The following STPG2 variants were observed in gnomAD, a reference collection of about 807,000 sequenced individuals.
STPG2 encodes sperm-tail PG-rich repeat-containing protein 2.
Under a neutral mutation model 54.2 loss-of-function variants are expected in STPG2, and 56 were observed. That is an observed-to-expected ratio of 1.03 (90% CI 0.83 to 1.29). The LOEUF (loss-of-function observed/expected upper bound fraction) is 1.29, where lower values mean the gene tolerates loss of function less well. STPG2 is among the 50% of genes most tolerant of loss of function. STPG2 has a pLI of 0.00. For missense variants in STPG2, 596 were observed against 544.9 expected (o/e 1.09, Z -0.93); for synonymous variants, 200 against 181.8 (o/e 1.10, Z -0.81).
chr4:97,869,361 A>G (rs1729901556), intron 8 of STPG2, among the ~76,000 whole-genome samples: 1 of 151,710 alleles, frequency 6.6e-6, no homozygotes, highest in African/African-American at 2.4e-5. Context: ...GTCAGAGCCT[A>G]GGTAAGTTAC....
intron 4 of STPG2, among the ~76,000 whole-genome samples, chr4:97,442,067 T>C (rs1318541480): frequency 2.0e-5 from 3 of 152,026 alleles, no homozygotes; most frequent in South Asian, 4.2e-4. Flanking sequence ...TTCACTAAGC[T>C]TCAGGTACGT....
At chr4:98,101,148 C>T (rs892100573) in intron 5 of STPG2, among the ~76,000 whole-genome samples, 3 of 152,142 alleles carry the variant, frequency 2.0e-5, no homozygotes, top group African/African-American at 7.2e-5. Context: ...ATTGAAAATT[C>T]TGCAGCACTT....
At chr4:98,015,563 T>C (rs910915614) in intron 5 of STPG2, among the ~76,000 whole-genome samples, 21 of 152,274 alleles carry the variant, frequency 1.4e-4, no homozygotes, top group African/African-American at 5.1e-4. Flanking sequence ...AAACAACAGA[T>C]GCTGGAGAGG....
intron 10 of STPG2, among the ~76,000 whole-genome samples, chr4:97,609,382 C>G (rs141620289): frequency 3.6e-4 from 54 of 152,096 alleles, no homozygotes; most frequent in Admixed American, 7.9e-4. Flanking sequence ...CTACTTTAAT[C>G]ATTCTGGCCA....
chr4:97,564,334 T>C (rs1179976487), intron 10 of STPG2, among the ~76,000 whole-genome samples: 10 of 152,304 alleles, frequency 6.6e-5, no homozygotes, highest in South Asian at 4.1e-4. Context: ...TGTCTCTGCA[T>C]GTGAGATGGG....
At chr4:97,864,930 C>T (rs548174778) in intron 8 of STPG2, among the ~76,000 whole-genome samples, 1 of 152,118 alleles carries the variant, frequency 6.6e-6, no homozygotes, top group Non-Finnish European at 1.5e-5. Context: ...ACACCTTATA[C>T]AAAAATTCAT....
At chr4:98,076,880 C>T (rs13136913) in intron 5 of STPG2, among the ~76,000 whole-genome samples, 60,139 of 151,904 alleles carry the variant, frequency 0.4, 12,147 homozygotes, top group Middle Eastern at 0.46. Flanking sequence ...ATAACAAATA[C>T]AGTAACAGAA....
intron 10 of STPG2, among the ~76,000 whole-genome samples, chr4:97,627,198 T>C (rs2148929373): frequency 6.6e-6 from 1 of 152,216 alleles, no homozygotes; most frequent in South Asian, 2.1e-4. Flanking sequence ...AACAGATATC[T>C]GGTAAATTGA....
intron 9 of STPG2, among the ~76,000 whole-genome samples, chr4:97,830,695 T>C (rs948491264): frequency 7.9e-5 from 12 of 151,636 alleles, no homozygotes; most frequent in African/African-American, 2.9e-4. Context: ...CCAAGCAAAT[T>C]GAAAGCAAAA....
At chr4:97,775,247 A>T (rs549859709) in intron 9 of STPG2, among the ~76,000 whole-genome samples, 2 of 152,130 alleles carry the variant, frequency 1.3e-5, no homozygotes, top group Non-Finnish European at 2.9e-5. Context: ...AGAGAAATTA[A>T]CTGAGGGATG....
chr4:97,583,561 A>G (rs1260269542), intron 10 of STPG2, among the ~76,000 whole-genome samples: 1 of 58,390 alleles, frequency 1.7e-5, no homozygotes, highest in Admixed American at 1.6e-4. Flanking sequence ...TTAGAGTGTT[A>G]TTATTCCCAG....
At chr4:97,695,774 C>T (rs1464498773) in intron 10 of STPG2, among the ~76,000 whole-genome samples, 5 of 150,704 alleles carry the variant, frequency 3.3e-5, no homozygotes, top group African/African-American at 1.2e-4. Context: ...AAAGAAACTA[C>T]TTAGGAATAT....
chr4:97,864,407 A>ACAAC (rs1729682357), intron 8 of STPG2, among the ~76,000 whole-genome samples: 1 of 152,232 alleles, frequency 6.6e-6, no homozygotes, highest in Non-Finnish European at 1.5e-5. Flanking sequence ...CTCTTCAAGG[A>ACAAC]GAACTACAAA....
In STPG2 at chr4:98,134,338, T is replaced by C. The variant is rs376973350; in HGVS notation, c.222+9A>G. On this transcript the variant is annotated intron_variant, in intron 2 of 10. Coordinates refer to ENST00000295268, the MANE Select transcript of STPG2 (RefSeq NM_174952.3). ...TTTATTAAGTCAATTATAGTAACTA[T>C]AAAGTTACCTGTGCTTCTGAAACAT... 2.0e-4 allele frequency: 297 copies of C among 1,500,238 alleles called. 6 individuals are homozygous for C. In the South Asian group the frequency reaches 3.6e-3, roughly 18 times the overall value. 92.9% of individuals were successfully genotyped at this position (1,500,238 alleles called of 1,614,324 possible).
At chr4:97,531,512 G>C (rs1731413253) in intron 4 of STPG2, among the ~76,000 whole-genome samples, 1 of 152,154 alleles carries the variant, frequency 6.6e-6, no homozygotes, top group South Asian at 2.1e-4. Flanking sequence ...AGACACAATG[G>C]AGAACAATTC....
chr4:98,094,584 C>T (rs1578849018), intron 5 of STPG2, among the ~76,000 whole-genome samples: 1 of 152,056 alleles, frequency 6.6e-6, no homozygotes, highest in Non-Finnish European at 1.5e-5. Flanking sequence ...ATTTCTGGAC[C>T]TGCCCTGGGT....
At chr4:97,637,045 A>G (rs1721569372) in intron 10 of STPG2, among the ~76,000 whole-genome samples, 1 of 152,220 alleles carries the variant, frequency 6.6e-6, no homozygotes, top group Non-Finnish European at 1.5e-5. Context: ...ACCAAAAAAG[A>G]GAATTTTAGA....
Position 97,793,253 on chromosome 4 carries a change from C to T in STPG2, c.1204+47520G>A, listed in dbSNP as rs992174832. On this transcript the variant is annotated intron_variant, in intron 9 of 10. Transcript: ENST00000295268. ...TCTGCTTTATTTTTTCTGCTAACAA[C>T]TATGTAACATACTACATACTATGTA... Among the ~76,000 whole-genome samples the T allele has an allele frequency of 2.6e-5, 4 of 151,938 alleles. No homozygotes were observed. The East Asian group carries it at 7.7e-4, about 29-fold the overall frequency.
At chr4:97,613,905 G>A (rs1733794840) in intron 10 of STPG2, among the ~76,000 whole-genome samples, 1 of 151,752 alleles carries the variant, frequency 6.6e-6, no homozygotes, top group Non-Finnish European at 1.5e-5. Flanking sequence ...ATGAGCTCTG[G>A]CTTATTTTAT....
Sources: allele counts gnomAD v4.1 joint callset (sites outside exome capture counted in the v4.1 genomes callset), GRCh38; gene constraint gnomAD v4.1.1; transcripts MANE v1.5; gene names NCBI Gene and HGNC (gene_info 2026-07-23, HGNC 2026-07-21).